The following RELCH variants were observed in gnomAD, a reference collection of about 807,000 sequenced individuals.
RELCH encodes the protein RAB11-binding protein RELCH.
RELCH carries 41 observed loss-of-function variants against 150.3 expected under a neutral mutation model. The observed-to-expected ratio is 0.27, with a 90% confidence interval of 0.21 to 0.35. The LOEUF is 0.35. RELCH is among the 10% of genes least tolerant of loss of function. The pLI is 1.00. For synonymous variants in RELCH, 478 were observed against 531.8 expected (o/e 0.90, Z 1.39); for missense variants, 1,092 against 1,467.8 (o/e 0.74, Z 4.18).
intron 1 of RELCH, among the ~76,000 whole-genome samples, chr18:62,202,882 A>G (rs2039539491): frequency 6.6e-6 from 1 of 152,232 alleles, no homozygotes; most frequent in South Asian, 2.1e-4. Flanking sequence ...CAGGAATAAA[A>G]CAATGAAGCC....
intron 15 of RELCH, among the ~76,000 whole-genome samples, chr18:62,259,436 G>T (rs1243199504): frequency 1.3e-5 from 2 of 150,606 alleles, no homozygotes; most frequent in Admixed American, 6.6e-5. Context: ...AAGAGATGAA[G>T]GATCTCTGCC....
At chr18:62,274,695 A>G (rs1047267859) in intron 21 of RELCH, among the ~76,000 whole-genome samples, 5 of 152,218 alleles carry the variant, frequency 3.3e-5, no homozygotes, top group African/African-American at 1.2e-4. Flanking sequence ...CAAGACCCAC[A>G]GAAGTTGTAA....
intron 26 of RELCH, among the ~76,000 whole-genome samples, chr18:62,289,430 A>G (rs972387930): frequency 3.3e-5 from 5 of 152,220 alleles, no homozygotes; most frequent in African/African-American, 1.2e-4. Flanking sequence ...ACATTTTGGC[A>G]TAATAATAAG....
rs762855692 is a variant in RELCH, at chr18:62,187,431, C to T, written c.-75C>T. The T allele has an allele frequency of 3.5e-6, 5 of 1,422,334 alleles. No homozygotes were observed. Among genetic ancestry groups the T allele is most frequent in the Non-Finnish European group, 4.7e-6 (5 of 1,073,776 alleles). 88.1% of individuals were successfully genotyped at this position (1,422,334 alleles called of 1,614,324 possible). On this transcript the variant is annotated 5_prime_UTR_variant, in exon 1 of 29. Transcript: ENST00000644646. ...GGGGCTGTGGAGGTGCGCTGTGTCC[C>T]CTGAGGCCTAGAGGATTCGGGCTGC...
intron 22 of RELCH, chr18:62,277,532 A>G (rs756470783): frequency 4.3e-6 from 3 of 689,838 alleles, no homozygotes; most frequent in East Asian, 1.3e-4. Context: ...CTTACCCTAA[A>G]AAAGTTAATT....
intron 2 of RELCH, among the ~76,000 whole-genome samples, chr18:62,214,176 A>G (rs17069608): frequency 0.15 from 22,094 of 152,130 alleles, 1,918 homozygotes; most frequent in African/African-American, 0.25. Context: ...CATGTTCAAT[A>G]GGAAAAGGAG....
At chr18:62,239,251 G>C (rs1218113998) in intron 10 of RELCH, among the ~76,000 whole-genome samples, 1 of 151,880 alleles carries the variant, frequency 6.6e-6, no homozygotes, top group Admixed American at 6.6e-5. Flanking sequence ...GGAAATTATA[G>C]ATATTTAATA....
At position 62,273,713 on chromosome 18, in the gene RELCH, T is replaced by A. The variant is rs76793101; in HGVS notation, c.2761-267T>A. Among the ~76,000 whole-genome samples the A allele has an allele frequency of 4.7e-3, 717 of 152,278 alleles. 8 individuals are homozygous for A. Among genetic ancestry groups the A allele is most frequent in the African/African-American group, 0.017 (688 of 41,582 alleles). On this transcript the variant is annotated intron_variant, in intron 20 of 28. Coordinates refer to ENST00000644646, the MANE Select transcript of RELCH (RefSeq NM_001346231.2). ...TGAATCTTTCACTTTACATAATTTCTTATTTAAATTTAAATATAAGTAGCC... is the reference window on the plus strand; with the variant it reads ...TGAATCTTTCACTTTACATAATTTCATATTTAAATTTAAATATAAGTAGCC...
intron 25 of RELCH, among the ~76,000 whole-genome samples, chr18:62,282,948 G>A (rs756316376): frequency 1.3e-5 from 2 of 152,132 alleles, no homozygotes; most frequent in Non-Finnish European, 2.9e-5. Context: ...GTGAACCACC[G>A]CACCCGCCCT....
chr18:62,225,915 C>T lies in RELCH; in HGVS notation c.859-1374C>T, dbSNP rs569266596. 4.6e-5 allele frequency among the ~76,000 whole-genome samples: 7 copies of T among 151,744 alleles called. No homozygotes were observed. The South Asian group carries it at 1.5e-3, about 31-fold the overall frequency. ...ACCCTAAGAGATAATAAATATTTTA[C>T]TCATTTTACAGATGACCAGTTTAAG... On this transcript the variant is annotated intron_variant, in intron 5 of 28. Coordinates refer to ENST00000644646, the MANE Select transcript of RELCH (RefSeq NM_001346231.2).
chr18:62,273,844 C>T lies in RELCH; in HGVS notation c.2761-136C>T, dbSNP rs1310166817. The stretch of plus-strand genomic sequence containing the variant: ...GATGATAGATATGCTTAATAAATAT[C>T]TTTTAATTAAAATAGCTTCCAAATT... On this transcript the variant is annotated intron_variant, in intron 20 of 28. Coordinates refer to ENST00000644646, the MANE Select transcript of RELCH (RefSeq NM_001346231.2). 18 of 597,248 alleles carry T rather than the reference C, an allele frequency of 3.0e-5. No homozygotes were observed. The South Asian group carries it at 3.5e-4, about 12-fold the overall frequency. The allele number at this position is 597,248 out of a possible 1,614,324, so 37.0% of individuals were successfully genotyped here. A position where few individuals can be genotyped will look rare whatever the true frequency, so the allele number is the denominator to read the frequency against.
intron 27 of RELCH, among the ~76,000 whole-genome samples, chr18:62,293,795 A>G (rs1449969426): frequency 6.6e-6 from 1 of 152,118 alleles, no homozygotes; most frequent in Non-Finnish European, 1.5e-5. Context: ...TAAAAGTTCC[A>G]TATATGCCCC....
chr18:62,258,040 C>A lies in RELCH; in HGVS notation c.1989C>A (p.Ser663Arg). 1 of 1,607,686 alleles carries A rather than the reference C, an allele frequency of 6.2e-7. No homozygotes were observed. The highest frequency in any genetic ancestry group is 8.5e-7 in the Non-Finnish European group (1 of 1,176,676). The change falls in exon 14 of 29, where the codon AGC becomes AGA. Residue 663 changes from serine to arginine, a missense_variant. Physicochemically the swap from Ser to Arg is moderately radical, Grantham distance 110 (BLOSUM62 -1). Transcript: ENST00000644646. ...TGGTAAGAGAAGCTGTTATCAAAAG[C>A]CTTGGTATCATTATGGGATACATTG... ...ADLVREAVIKSLGIIMGYIDD... is the reference protein window; with the variant it reads ...ADLVREAVIKRLGIIMGYIDD...
At chr18:62,224,437 GAA>G (rs2041085809) in intron 5 of RELCH, among the ~76,000 whole-genome samples, 1 of 152,178 alleles carries the variant, frequency 6.6e-6, no homozygotes, top group African/African-American at 2.4e-5. Context: ...AATAAGGCAA[GAA>G]AAAGTAATTC....
chr18:62,196,235 C>A (rs1316082293), intron 1 of RELCH, among the ~76,000 whole-genome samples: 1 of 150,776 alleles, frequency 6.6e-6, no homozygotes, highest in African/African-American at 2.4e-5. Context: ...CTTTTCTTTT[C>A]TTTTCTTTTT....
At chr18:62,189,225 C>G (rs2038418375) in intron 1 of RELCH, among the ~76,000 whole-genome samples, 1 of 147,322 alleles carries the variant, frequency 6.8e-6, no homozygotes, top group Non-Finnish European at 1.5e-5. Flanking sequence ...AGTAGTGTAA[C>G]AAAATTGTTA....
intron 20 of RELCH, 152 bp from the exon 21 acceptor site, chr18:62,273,828 T>G: frequency 1.8e-6 from 1 of 569,046 alleles, no homozygotes; most frequent in Non-Finnish European, 3.1e-6. Context: ...TGATGATAGA[T>G]ATGCTTAATA....
intron 22 of RELCH, among the ~76,000 whole-genome samples, chr18:62,278,490 A>C (rs1274447714): frequency 1.3e-5 from 2 of 152,162 alleles, no homozygotes; most frequent in East Asian, 1.9e-4. Flanking sequence ...AAAATTAAGA[A>C]TCTTCACATA....
intron 5 of RELCH, among the ~76,000 whole-genome samples, chr18:62,224,419 G>A (rs940838335): frequency 6.6e-6 from 1 of 152,088 alleles, no homozygotes; most frequent in Non-Finnish European, 1.5e-5. Context: ...GAAGATTCTA[G>A]CTAGTGCAAT....
Sources: allele counts gnomAD v4.1 joint callset (sites outside exome capture counted in the v4.1 genomes callset), GRCh38; gene constraint gnomAD v4.1.1; transcripts MANE v1.5; gene names NCBI Gene and HGNC (gene_info 2026-07-23, HGNC 2026-07-21).